The following SENP7 variants were observed in gnomAD, a reference collection of about 807,000 sequenced individuals.
The protein encoded by SENP7 is SUMO specific peptidase 7, also known as sentrin-specific protease 7.
SENP7 carries 64 observed loss-of-function variants against 141.2 expected under a neutral mutation model. That is an observed-to-expected ratio of 0.45 (90% CI 0.37 to 0.56). SENP7 has a LOEUF of 0.56. SENP7 is among the 20% of genes least tolerant of loss of function. SENP7 has a pLI of 0.00. For synonymous variants in SENP7, 382 were observed against 426.4 expected (o/e 0.90, Z 1.28); for missense variants, 1,025 against 1,212.2 (o/e 0.85, Z 2.29).
intron 9 of SENP7, among the ~76,000 whole-genome samples, chr3:101,366,163 T>A (rs1413769013): frequency 6.6e-6 from 1 of 152,216 alleles, no homozygotes; most frequent in Non-Finnish European, 1.5e-5. Context: ...ATAATCTATT[T>A]TAAAACTATT....
At chr3:101,328,399 T>C in intron 22 of SENP7, 79 bp downstream of exon 22, 1 of 946,828 alleles carries the variant, frequency 1.1e-6, no homozygotes, top group Non-Finnish European at 1.7e-6. Flanking sequence ...ATATAGTCTT[T>C]TCAATAATTC....
At chr3:101,495,977 A>G (rs2065144028) in intron 2 of SENP7, among the ~76,000 whole-genome samples, 1 of 152,348 alleles carries the variant, frequency 6.6e-6, no homozygotes, top group Non-Finnish European at 1.5e-5. Context: ...TGAATACCCA[A>G]TAAATATCTA....
chr3:101,350,058 C>T (rs550125729), intron 12 of SENP7, among the ~76,000 whole-genome samples: 4 of 152,228 alleles, frequency 2.6e-5, no homozygotes, highest in South Asian at 2.1e-4. Flanking sequence ...GCTCTGTTTA[C>T]GGTTTCCCCT....
Position 101,457,553 on chromosome 3 carries a change from A to C in SENP7, c.284+1402T>G, listed in dbSNP as rs1018341845. ...GGTTTGTAAACATATGCACCTCTTC[A>C]ATACCAAAGATATTGTTTACCCCTA... is the stretch of plus-strand genomic sequence containing the variant. On this transcript the variant is annotated intron_variant, in intron 4 of 23. Coordinates refer to ENST00000394095, the MANE Select transcript of SENP7 (RefSeq NM_020654.5). 7 of 1,600,166 alleles carry C rather than the reference A, an allele frequency of 4.4e-6. No individual in the cohort carries two copies. The African/African-American group carries it at 9.4e-5, about 21-fold the overall frequency.
chr3:101,417,559 G>A (rs376455513), intron 5 of SENP7, 34 bp downstream of exon 5: 14 of 1,512,402 alleles, frequency 9.3e-6, no homozygotes, highest in East Asian at 2.3e-5. Flanking sequence ...TTCAAATGTG[G>A]TAAGTTGAAC....
At chr3:101,408,562 C>T (rs935146450) in intron 5 of SENP7, among the ~76,000 whole-genome samples, 2 of 152,064 alleles carry the variant, frequency 1.3e-5, no homozygotes, top group African/African-American at 2.4e-5. Context: ...AATCCAACAA[C>T]ATGTCAAAAA....
intron 4 of SENP7, among the ~76,000 whole-genome samples, chr3:101,442,411 C>A (rs906877476): frequency 6.6e-6 from 1 of 152,134 alleles, no homozygotes; most frequent in African/African-American, 2.4e-5. Context: ...AGGTCGCCTG[C>A]ATGCACAGTT....
intron 3 of SENP7, among the ~76,000 whole-genome samples, chr3:101,478,613 A>C (rs2064320753): frequency 6.6e-6 from 1 of 152,190 alleles, no homozygotes; most frequent in Non-Finnish European, 1.5e-5. Flanking sequence ...ATTTCTACCA[A>C]ACTTACAAAG....
intron 12 of SENP7, among the ~76,000 whole-genome samples, chr3:101,350,101 A>G (rs2059575506): frequency 6.6e-6 from 1 of 152,112 alleles, no homozygotes; most frequent in South Asian, 2.1e-4. Context: ...TATCAATATG[A>G]TGATGGAGTC....
intron 4 of SENP7, among the ~76,000 whole-genome samples, chr3:101,428,062 T>C (rs1316204890): frequency 2.0e-5 from 3 of 152,234 alleles, no homozygotes; most frequent in Non-Finnish European, 4.4e-5. Context: ...TTCCATGGTG[T>C]ATATGTGCCA....
At chr3:101,488,063 T>C (rs1311447322) in intron 3 of SENP7, among the ~76,000 whole-genome samples, 1 of 152,242 alleles carries the variant, frequency 6.6e-6, no homozygotes, top group Non-Finnish European at 1.5e-5. Flanking sequence ...ATGGTCATTT[T>C]TGTGACACTG....
At chr3:101,334,200 T>A (rs913881254) in intron 17 of SENP7, among the ~76,000 whole-genome samples, 1 of 152,140 alleles carries the variant, frequency 6.6e-6, no homozygotes, top group Non-Finnish European at 1.5e-5. Context: ...TATTAAACCA[T>A]CTGAGACAGC....
At chr3:101,351,483 C>A in intron 12 of SENP7, 135 bp downstream of exon 12, 1 of 610,498 alleles carries the variant, frequency 1.6e-6, no homozygotes, top group East Asian at 3.8e-5. Flanking sequence ...CAGAACAAGT[C>A]CATTATAAAA....
At chr3:101,352,703 G>A (rs1282612434) in intron 11 of SENP7, among the ~76,000 whole-genome samples, 2 of 151,874 alleles carry the variant, frequency 1.3e-5, no homozygotes, top group Non-Finnish European at 1.5e-5. Flanking sequence ...AATACATTTT[G>A]TTGATCAAAT....
intron 4 of SENP7, among the ~76,000 whole-genome samples, chr3:101,442,013 C>T (rs1432027582): frequency 1.3e-5 from 2 of 152,130 alleles, no homozygotes; most frequent in African/African-American, 4.8e-5. Context: ...CCCTAACAAA[C>T]ATCACAGATA....
At chr3:101,363,604 T>C (rs6806790) in intron 10 of SENP7, among the ~76,000 whole-genome samples, 60,349 of 152,040 alleles carry the variant, frequency 0.4, 12,494 homozygotes, top group Admixed American at 0.54. Flanking sequence ...TTATCAATAA[T>C]GACACTTTTA....
chr3:101,332,203 T>G, intron 18 of SENP7, 94 bp from the exon 19 acceptor site: 1 of 1,260,628 alleles, frequency 7.9e-7, no homozygotes, highest in Non-Finnish European at 1.1e-6. Context: ...AGAATAAATT[T>G]CATATTAATT....
At chr3:101,468,673 C>T (rs1012974748) in intron 3 of SENP7, among the ~76,000 whole-genome samples, 2 of 152,156 alleles carry the variant, frequency 1.3e-5, no homozygotes, top group Non-Finnish European at 2.9e-5. Context: ...GATTTCGTCA[C>T]TACCAGGCCT....
At chr3:101,478,784 C>A (rs1215152320) in intron 3 of SENP7, among the ~76,000 whole-genome samples, 1 of 152,002 alleles carries the variant, frequency 6.6e-6, no homozygotes, top group African/African-American at 2.4e-5. Context: ...AAAACAGACA[C>A]AAAATACCTC....
Sources: allele counts gnomAD v4.1 joint callset (sites outside exome capture counted in the v4.1 genomes callset), GRCh38; gene constraint gnomAD v4.1.1; transcripts MANE v1.5; gene names NCBI Gene and HGNC (gene_info 2026-07-23, HGNC 2026-07-21).